Variants in ASTN2 observed in about 807,000 individuals in gnomAD.
The protein encoded by ASTN2 is astrotactin 2.
A neutral mutation model predicts 139.8 loss-of-function variants in ASTN2; 54 were observed. That is an observed-to-expected ratio of 0.39 (90% CI 0.31 to 0.48). The LOEUF (loss-of-function observed/expected upper bound fraction) is 0.48. Ranked by LOEUF, ASTN2 falls within the 20% of genes least tolerant of loss-of-function variation. The pLI, the probability that ASTN2 is intolerant of heterozygous loss-of-function variation, is 0.95. For missense variants in ASTN2, 1,565 were observed against 1,725.1 expected (o/e 0.91, Z 1.64); for synonymous variants, 756 against 719.5 (o/e 1.05, Z -0.81).
intron 19 of ASTN2, chr9:116,584,223 C>T (rs1854061917): frequency 6.6e-6 from 1 of 152,148 alleles, no homozygotes; most frequent in Non-Finnish European, 1.5e-5. Flanking sequence ...ATGTGTCTCC[C>T]CAGATCTCAG....
intron 5 of ASTN2, among the ~76,000 whole-genome samples, chr9:117,079,582 C>T (rs1051192476): frequency 6.6e-6 from 1 of 152,218 alleles, no homozygotes; most frequent in Non-Finnish European, 1.5e-5. Flanking sequence ...CAGGAACCTT[C>T]TCATGGTCTA....
chr9:117,353,214 A>G (rs1266823320), intron 1 of ASTN2, among the ~76,000 whole-genome samples: 1 of 152,158 alleles, frequency 6.6e-6, no homozygotes, highest in Non-Finnish European at 1.5e-5. Context: ...TCACAGCACT[A>G]ATAAATGTTT....
chr9:117,223,360 C>A (rs1832592391), intron 2 of ASTN2, among the ~76,000 whole-genome samples: 1 of 152,164 alleles, frequency 6.6e-6, no homozygotes, highest in Non-Finnish European at 1.5e-5. Context: ...ATACACAGGA[C>A]AGCCACATAC....
chr9:116,446,282 GA>G (rs1847994178), intron 20 of ASTN2, among the ~76,000 whole-genome samples: 1 of 142,648 alleles, frequency 7.0e-6, no homozygotes, highest in Non-Finnish European at 1.5e-5. Context: ...TAGAGAGAGA[GA>G]GAGAGAGAGA....
intron 4 of ASTN2, among the ~76,000 whole-genome samples, chr9:117,101,579 T>G (rs1445518467): frequency 6.6e-6 from 1 of 152,152 alleles, no homozygotes. Context: ...CACGGTGTGA[T>G]AAGTACTGCC....
intron 3 of ASTN2, chr9:117,180,968 T>C (rs1162144749): frequency 1.3e-6 from 2 of 1,597,578 alleles, no homozygotes; most frequent in Non-Finnish European, 1.7e-6. Context: ...TGAACCCTGG[T>C]CACAGTGCCC....
chr9:116,645,836 C>T (rs143070984), intron 17 of ASTN2, among the ~76,000 whole-genome samples: 1 of 152,282 alleles, frequency 6.6e-6, no homozygotes, highest in Non-Finnish European at 1.5e-5. Context: ...AATATGAATC[C>T]TATTCTAAAA....
chr9:116,786,505 T>C (rs1830382624), intron 13 of ASTN2, among the ~76,000 whole-genome samples: 1 of 152,216 alleles, frequency 6.6e-6, no homozygotes, highest in South Asian at 2.1e-4. Context: ...CATTGTTATC[T>C]GGTTACTCTT....
intron 1 of ASTN2, among the ~76,000 whole-genome samples, chr9:117,387,756 G>C (rs16905580): frequency 0.17 from 25,514 of 152,204 alleles, 2,711 homozygotes; most frequent in East Asian, 0.43. Flanking sequence ...GAAATGCGGA[G>C]TCCTGACTTC....
intron 5 of ASTN2, among the ~76,000 whole-genome samples, chr9:117,084,407 A>G (rs1828508768): frequency 1.3e-5 from 2 of 152,124 alleles, no homozygotes; most frequent in Admixed American, 1.3e-4. Context: ...ATGAGCAAAA[A>G]CCTACAAAGT....
At chr9:117,303,657 G>A (rs1834930418) in intron 1 of ASTN2, among the ~76,000 whole-genome samples, 1 of 152,118 alleles carries the variant, frequency 6.6e-6, no homozygotes, top group African/African-American at 2.4e-5. Context: ...ACTGTTCTCT[G>A]TTTCACTGTT....
At chr9:117,238,789 G>A (rs1015404491) in intron 2 of ASTN2, among the ~76,000 whole-genome samples, 2 of 152,118 alleles carry the variant, frequency 1.3e-5, no homozygotes, top group African/African-American at 2.4e-5. Context: ...AGATTAAGTT[G>A]GCTAGTAAGT....
At chr9:116,815,342 G>A (rs942139233) in intron 12 of ASTN2, among the ~76,000 whole-genome samples, 1 of 152,122 alleles carries the variant, frequency 6.6e-6, no homozygotes, top group African/African-American at 2.4e-5. Context: ...GGCTGGATGT[G>A]TTATTTGAGC....
chr9:116,807,912 C>A (rs541126632), intron 12 of ASTN2, among the ~76,000 whole-genome samples: 1 of 150,634 alleles, frequency 6.6e-6, no homozygotes, highest in Non-Finnish European at 1.5e-5. Flanking sequence ...GCGTTCAAGA[C>A]CAGCCCAGCC....
chr9:117,174,131 A>G (rs773839714), intron 3 of ASTN2, among the ~76,000 whole-genome samples: 7 of 105,306 alleles, frequency 6.6e-5, no homozygotes, highest in African/African-American at 2.3e-4. Flanking sequence ...AACTAGATAG[A>G]TAGATAGATA....
intron 3 of ASTN2, among the ~76,000 whole-genome samples, chr9:117,202,701 C>A (rs1021991909): frequency 6.6e-6 from 1 of 152,144 alleles, no homozygotes; most frequent in Admixed American, 6.5e-5. Flanking sequence ...GCTGAGAGGC[C>A]CACTGTTATT....
intron 7 of ASTN2, among the ~76,000 whole-genome samples, chr9:116,996,154 T>G (rs1040583988): frequency 6.6e-6 from 1 of 152,190 alleles, no homozygotes; most frequent in Non-Finnish European, 1.5e-5. Context: ...CCTCCCAAAG[T>G]GCTGGATTAC....
chr9:116,707,850 G>T (rs1358186436), intron 16 of ASTN2, among the ~76,000 whole-genome samples: 1 of 152,054 alleles, frequency 6.6e-6, no homozygotes, highest in Non-Finnish European at 1.5e-5. Flanking sequence ...ATAATCTTAG[G>T]GTAGTTAACT....
intron 1 of ASTN2, among the ~76,000 whole-genome samples, chr9:117,400,561 G>A (rs560570408): frequency 1.4e-4 from 22 of 152,340 alleles, no homozygotes; most frequent in African/African-American, 1.9e-4. Flanking sequence ...CCCTGGGGAA[G>A]GCTAGAGAGA....
Sources: allele counts gnomAD v4.1 joint callset (sites outside exome capture counted in the v4.1 genomes callset), GRCh38; gene constraint gnomAD v4.1.1; transcripts MANE v1.5; gene names NCBI Gene and HGNC (gene_info 2026-07-23, HGNC 2026-07-21).